TDRD9: variants seen among roughly 807,000 people sequenced by gnomAD.
TDRD9 encodes tudor domain containing 9.
A neutral mutation model predicts 172.6 loss-of-function variants in TDRD9; 124 were observed. That is an observed-to-expected ratio of 0.72 (90% CI 0.62 to 0.83). The LOEUF is 0.83. TDRD9 is among the 40% of genes least tolerant of loss of function. TDRD9 has a pLI of 0.00. For missense variants in TDRD9, 1,479 were observed against 1,714.1 expected (o/e 0.86, Z 2.42); for synonymous variants, 619 against 617.1 (o/e 1.00, Z -0.05).
At chr14:103,941,673 T>A in intron 1 of TDRD9, 1 of 1,521,154 alleles carries the variant, frequency 6.6e-7, no homozygotes, top group Non-Finnish European at 8.8e-7. Flanking sequence ...TTTGGGCCAT[T>A]TCATCCAGCC....
intron 20 of TDRD9, among the ~76,000 whole-genome samples, chr14:104,009,627 T>A (rs2034547815): frequency 6.6e-6 from 1 of 152,172 alleles, no homozygotes; most frequent in Admixed American, 6.5e-5. Context: ...TAATATAACT[T>A]TTTTTAACTT....
intron 1 of TDRD9, among the ~76,000 whole-genome samples, chr14:103,930,307 C>T (rs1037849520): frequency 6.6e-6 from 1 of 152,064 alleles, no homozygotes; most frequent in Non-Finnish European, 1.5e-5. Context: ...CCTGCCTTGG[C>T]CTCCCGAGTA....
In TDRD9 at chr14:103,980,831, G is replaced by T. The variant is rs1390077844; in HGVS notation, c.1011+5278G>T. 6.6e-6 allele frequency among the ~76,000 whole-genome samples: 1 copy of T among 152,136 alleles called. No homozygotes were observed. Among genetic ancestry groups the T allele is most frequent in the East Asian group, 1.9e-4 (1 of 5,178 alleles). ...CTGCTAGACCAAGGAGCCCTCTGGT[G>T]GCCCTGTCCGGGCATAACAGAAGGC... On this transcript the variant is annotated intron_variant, in intron 7 of 35. Coordinates refer to ENST00000409874, the MANE Select transcript of TDRD9 (RefSeq NM_153046.3). The surrounding 1 kb of genome is among the most constrained non-coding windows in gnomAD (Gnocchi z 4.5).
At chr14:103,976,418 C>T (rs1393925106) in intron 7 of TDRD9, among the ~76,000 whole-genome samples, 4 of 151,902 alleles carry the variant, frequency 2.6e-5, no homozygotes, top group African/African-American at 7.3e-5. Flanking sequence ...GGACTACAGG[C>T]GTCCGCCACC....
chr14:104,026,940 G>T lies in TDRD9; in HGVS notation c.3282+1G>T. On this transcript the variant is annotated splice_donor_variant, in intron 28 of 35. Coordinates refer to ENST00000409874, the MANE Select transcript of TDRD9 (RefSeq NM_153046.3). LOFTEE classifies it high-confidence loss of function. ...CACGGAGGAGTCCTACGAGTCCAAGGTGTGTGCTTTCGCCGTTGCTGGAGC... is the reference window on the plus strand; with the variant it reads ...CACGGAGGAGTCCTACGAGTCCAAGTTGTGTGCTTTCGCCGTTGCTGGAGC... 6.2e-7 allele frequency: 1 copy of T among 1,612,026 alleles called. No individual in the cohort carries two copies. Among genetic ancestry groups the T allele is most frequent in the Non-Finnish European group, 8.5e-7 (1 of 1,178,356 alleles).
At chr14:104,031,933 A>G in intron 29 of TDRD9, 84 bp from the exon 30 acceptor site, 1 of 913,490 alleles carries the variant, frequency 1.1e-6, no homozygotes, top group Non-Finnish European at 1.6e-6. Context: ...TCCTTTAAAG[A>G]ATGAGCTGAC....
chr14:103,934,474 CAGG>C (rs146879424), intron 1 of TDRD9, among the ~76,000 whole-genome samples: 3,478 of 152,236 alleles, frequency 0.023, 77 homozygotes, highest in East Asian at 0.07. Flanking sequence ...ACGGAGCTAA[CAGG>C]AGATCAAGAG....
At position 104,025,623 on chromosome 14, in the gene TDRD9, G is replaced by A; in HGVS notation, c.2778G>A (p.Leu926=). 1 of 1,613,994 alleles carries A rather than the reference G, an allele frequency of 6.2e-7. No homozygotes were observed. Among genetic ancestry groups the A allele is most frequent in the Middle Eastern group, 1.6e-4 (1 of 6,062 alleles). ...TTGATGAAAACAACTCAGAGATTCT[G>A]AAAAAGCTTACTGCTGAAATCAACC... ...YRIDENNSEI[L]KKLTAEINQL... is the part of the protein sequence containing the mutation. The change falls in exon 26 of 36, where the codon CTG becomes CTA. Residue 926 remains leucine (L), a synonymous_variant. Transcript: ENST00000409874.
chr14:104,034,743 G>A (rs746941925), intron 31 of TDRD9, among the ~76,000 whole-genome samples: 7 of 152,208 alleles, frequency 4.6e-5, no homozygotes, highest in Non-Finnish European at 5.9e-5. Context: ...CCCCAAGTGG[G>A]GTAAAAGCTT....
At chr14:103,951,373 G>A (rs1028335901) in intron 1 of TDRD9, among the ~76,000 whole-genome samples, 4 of 152,176 alleles carry the variant, frequency 2.6e-5, no homozygotes, top group Non-Finnish European at 5.9e-5. Flanking sequence ...TCTGGAATGT[G>A]TCATTAGCTT....
chr14:103,942,488 G>A (rs150375791), intron 1 of TDRD9, among the ~76,000 whole-genome samples: 11 of 152,316 alleles, frequency 7.2e-5, no homozygotes, highest in African/African-American at 2.2e-4. Context: ...AAGAATGGTC[G>A]TCTAAAGCAC....
At chr14:104,017,739 A>G (rs1444026404) in intron 22 of TDRD9, among the ~76,000 whole-genome samples, 3 of 152,208 alleles carry the variant, frequency 2.0e-5, no homozygotes, top group Non-Finnish European at 4.4e-5. Context: ...TTTCCTTTAA[A>G]GTTTACATTC....
chr14:103,949,767 C>A (rs1351056538), intron 1 of TDRD9, among the ~76,000 whole-genome samples: 1 of 152,166 alleles, frequency 6.6e-6, no homozygotes, highest in Non-Finnish European at 1.5e-5. Flanking sequence ...GCAACATCCG[C>A]CTCCCAGGTT....
At position 104,040,233 on chromosome 14, in the gene TDRD9, T is replaced by G. The variant is rs1234429505; in HGVS notation, c.3754T>G (p.Cys1252Gly). 6.4e-7 allele frequency: 1 copy of G among 1,551,090 alleles called. No homozygotes were observed. The highest frequency in any genetic ancestry group is 2.4e-5 in the East Asian group (1 of 40,904). The change falls in exon 33 of 36, where the codon TGT becomes GGT. Residue 1252 changes from cysteine (C) to glycine (G), a missense_variant. By Grantham distance (159) the Cys-to-Gly change is radical. Around this residue, in one of 3 missense-constraint regions of TDRD9, gnomAD observed 1,413 missense variants for 1,649.1 expected, o/e 0.86. Transcript: ENST00000409874. ...TGGCAAGTACTATACTGGAGTCCTT[T>G]GTGGTTTGGGGTGGAATCCAGCTAC... is the stretch of plus-strand genomic sequence containing the variant. ...QNGKYYTGVL[C>G]GLGWNPATGA...
intron 23 of TDRD9, among the ~76,000 whole-genome samples, chr14:104,020,042 CTG>C (rs1248224311): frequency 1.3e-5 from 2 of 152,264 alleles, no homozygotes; most frequent in East Asian, 1.9e-4. Context: ...AAAGCTGAGA[CTG>C]TGCACACATA....
intron 23 of TDRD9, among the ~76,000 whole-genome samples, chr14:104,021,616 C>G (rs1266465553): frequency 6.6e-6 from 1 of 152,168 alleles, no homozygotes; most frequent in Non-Finnish European, 1.5e-5. Flanking sequence ...TCTCTTGAAT[C>G]TGGGAGGCGG....
intron 19 of TDRD9, among the ~76,000 whole-genome samples, chr14:104,007,810 G>T (rs993768986): frequency 1.3e-5 from 2 of 151,828 alleles, no homozygotes; most frequent in Non-Finnish European, 2.9e-5. Flanking sequence ...CGGAGTCTCG[G>T]TCTGTCGCCC....
At position 104,015,975 on chromosome 14, in the gene TDRD9, T is replaced by C; in HGVS notation, c.2224-6T>C. 6.4e-7 allele frequency: 1 copy of C among 1,571,586 alleles called. No individual in the cohort carries two copies. The highest frequency in any genetic ancestry group is 8.6e-7 in the Non-Finnish European group (1 of 1,156,680). ...GTTACTTCATGAAAATAAATTTCTT[T>C]TTCAGGTTGTATTGGCAGGTGCTTT... On this transcript the variant is annotated splice_polypyrimidine_tract_variant and splice_region_variant and intron_variant, in intron 21 of 35. Coordinates refer to ENST00000409874, the MANE Select transcript of TDRD9 (RefSeq NM_153046.3).
chr14:103,995,823 G>A lies in TDRD9; in HGVS notation c.1378+16G>A, dbSNP rs551082335. The A allele has an allele frequency of 4.6e-5, 73 of 1,598,750 alleles. No homozygotes were observed. In the East Asian group the frequency reaches 1.4e-3, roughly 31 times the overall value. Reference sequence around the variant, plus strand: ...GTCAAATATGGTAAGATACTTCTCCGTTTACCTCCTGGCATTAGCTGTAGT... The same window carrying A: ...GTCAAATATGGTAAGATACTTCTCCATTTACCTCCTGGCATTAGCTGTAGT... On this transcript the variant is annotated intron_variant, in intron 12 of 35. Transcript: ENST00000409874.
Sources: gnomAD v4.1 joint callset for allele counts (sites outside exome capture counted in the v4.1 genomes callset) on GRCh38, gnomAD v4.1.1 for gene constraint, gnomAD v4.1.1 regional missense constraint, Gnocchi (gnomAD v3.1) non-coding constraint, MANE v1.5 for transcripts, NCBI Gene and HGNC (gene_info 2026-07-23, HGNC 2026-07-21) for gene names.